Variants in PCDHA2 observed in about 807,000 individuals in gnomAD.
PCDHA2 encodes protocadherin alpha-2.
A neutral mutation model predicts 66.0 loss-of-function variants in PCDHA2; 58 were observed. The observed-to-expected ratio is 0.88, with a 90% CI of 0.71 to 1.09. PCDHA2 has a LOEUF of 1.09. Ranked by LOEUF, PCDHA2 falls within the 50% of genes least tolerant of loss-of-function variation. The pLI is 0.00. For missense variants in PCDHA2, 1,267 were observed against 1,242.3 expected (o/e 1.02, Z -0.30); for synonymous variants, 634 against 554.0 (o/e 1.14, Z -2.03).
intron 1 of PCDHA2, chr5:140,850,690 G>C (rs2150494322): frequency 3.8e-6 from 6 of 1,598,286 alleles, no homozygotes; most frequent in Admixed American, 1.7e-5. Flanking sequence ...GAGGGCGAGT[G>C]CGCGCCTGGC....
intron 1 of PCDHA2, chr5:140,857,079 A>C: frequency 6.3e-7 from 1 of 1,597,252 alleles, no homozygotes; most frequent in African/African-American, 1.3e-5. Flanking sequence ...GATGAAAATG[A>C]TAATTCACCT....
chr5:140,895,021 G>T (rs956122734), intron 1 of PCDHA2, among the ~76,000 whole-genome samples: 3 of 151,838 alleles, frequency 2.0e-5, no homozygotes, highest in Non-Finnish European at 4.4e-5. Context: ...TTTTTCCTTT[G>T]TTTAATTGTC....
intron 1 of PCDHA2, among the ~76,000 whole-genome samples, chr5:140,844,747 T>A (rs1779528592): frequency 6.7e-6 from 1 of 149,678 alleles, no homozygotes; most frequent in South Asian, 2.1e-4. Context: ...TATTATGGGA[T>A]AAATCTTTGA....
Position 140,842,578 on chromosome 5 carries a change from G to C in PCDHA2, c.2388+45226G>C, listed in dbSNP as rs2150339831. On this transcript the variant is annotated intron_variant, in intron 1 of 3. Transcript: ENST00000526136. ...GCGCCCTGGACCGCGAGAGAGTGTC[G>C]GCCTATGAGTTGGTGGTAACCGCGC... 18 of 1,515,278 alleles carry C rather than the reference G, an allele frequency of 1.2e-5. 1 individual carries two copies. The highest frequency in any genetic ancestry group is 1.5e-5 in the Non-Finnish European group (17 of 1,114,964). 93.9% of individuals were successfully genotyped at this position (1,515,278 alleles called of 1,614,324 possible). A position where few individuals can be genotyped will look rare whatever the true frequency, so the allele number is the denominator to read the frequency against.
At chr5:140,830,225 G>A in intron 1 of PCDHA2, 7 of 1,613,898 alleles carry the variant, frequency 4.3e-6, no homozygotes, top group Non-Finnish European at 5.1e-6. Context: ...CAGCCTGCTG[G>A]TCCTCACGCT....
intron 3 of PCDHA2, among the ~76,000 whole-genome samples, chr5:140,998,895 A>G (rs545479952): frequency 1.3e-4 from 20 of 152,354 alleles, no homozygotes; most frequent in Non-Finnish European, 1.8e-4. Flanking sequence ...ATAAATAACA[A>G]TGCCTCCGGG....
intron 3 of PCDHA2, among the ~76,000 whole-genome samples, chr5:141,005,561 G>T (rs1554260149): frequency 6.6e-6 from 1 of 151,354 alleles, no homozygotes. Flanking sequence ...AATTAGCCGG[G>T]CATGGTGGCG....
chr5:141,009,852 A>G lies in PCDHA2; in HGVS notation c.2762A>G (p.Lys921Arg), dbSNP rs1554262492. The G allele has an allele frequency of 6.2e-7, 1 of 1,614,074 alleles. No homozygotes were observed. Among genetic ancestry groups the G allele is most frequent in the East Asian group, 2.2e-5 (1 of 44,874 alleles). ...FITFGKKEET[K>R]KKKKKKKGNK... ...ACCTTCGGCAAAAAGGAGGAGACCA[A>G]GAAAAAGAAGAAAAAGAAGAAGGGT... Residue 921 changes from lysine (K) to arginine (R), a missense_variant, in exon 4 of 4, where the codon AAG becomes AGG. Physicochemically the swap from Lys to Arg is conservative, Grantham distance 26. Coordinates refer to ENST00000526136, the MANE Select transcript of PCDHA2 (RefSeq NM_018905.3).
rs559205841 is a variant in PCDHA2 at position 140,922,691 on chromosome 5, C to G, written c.2389-56258C>G. On this transcript the variant is annotated intron_variant, in intron 1 of 3. Coordinates refer to ENST00000526136, the MANE Select transcript of PCDHA2 (RefSeq NM_018905.3). ...GCAGTAAAAAAGTGAACAGGCTCTGCTTCCATACAGTCAAGAACAAAAAGA... is the reference window on the plus strand; with the variant it reads ...GCAGTAAAAAAGTGAACAGGCTCTGGTTCCATACAGTCAAGAACAAAAAGA... 2.0e-4 allele frequency among the ~76,000 whole-genome samples: 30 copies of G among 152,262 alleles called. No individual in the cohort carries two copies. In the South Asian group the frequency reaches 6.0e-3, roughly 31 times the overall value.
At position 140,796,093 on chromosome 5, in the gene PCDHA2, C is replaced by T. The variant is rs781879420; in HGVS notation, c.1129C>T (p.Arg377Cys). 3.1e-6 allele frequency: 5 copies of T among 1,614,086 alleles called. No individual in the cohort carries two copies. The Admixed American group carries it at 5.0e-5, about 16-fold the overall frequency. The change falls in exon 1 of 4, where the codon CGC (arginine) becomes TGC (cysteine). Residue 377 changes from arginine (R) to cysteine (C), a missense_variant. Coordinates refer to ENST00000526136, the MANE Select transcript of PCDHA2 (RefSeq NM_018905.3). ...TVIALITVSD[R>C]DSGTNGHVTC... ...CATTGCTCTCATCACGGTGTCGGAT[C>T]GCGACTCTGGTACGAATGGACATGT...
chr5:140,821,618 T>C, intron 1 of PCDHA2: 1 of 858,038 alleles, frequency 1.2e-6, no homozygotes, highest in Non-Finnish European at 1.7e-6. Context: ...TGAGTAGATT[T>C]TCCTTAGACA....
At chr5:140,958,503 C>T (rs1426161443) in intron 1 of PCDHA2, among the ~76,000 whole-genome samples, 1 of 152,118 alleles carries the variant, frequency 6.6e-6, no homozygotes, top group Non-Finnish European at 1.5e-5. Context: ...TCCTAGGAGG[C>T]ATGGCTGTCC....
chr5:140,841,838 A>G (rs1453803660), intron 1 of PCDHA2: 11 of 1,613,802 alleles, frequency 6.8e-6, no homozygotes, highest in Admixed American at 6.7e-5. Context: ...CTACAGGCTT[A>G]GCTCTCATGA....
chr5:140,991,924 A>T (rs1028386420), intron 3 of PCDHA2, among the ~76,000 whole-genome samples: 1 of 152,140 alleles, frequency 6.6e-6, no homozygotes, highest in Non-Finnish European at 1.5e-5. Context: ...GTAACATAAC[A>T]TATTCACAAG....
At chr5:140,951,311 T>G (rs1240303466) in intron 1 of PCDHA2, among the ~76,000 whole-genome samples, 4 of 152,224 alleles carry the variant, frequency 2.6e-5, no homozygotes, top group African/African-American at 9.6e-5. Context: ...ATTAATGTGT[T>G]ATTCTTGAGA....
intron 1 of PCDHA2, chr5:140,801,871 C>G: frequency 1.2e-6 from 2 of 1,614,084 alleles, no homozygotes; most frequent in Non-Finnish European, 1.7e-6. Flanking sequence ...CTCACTGGCA[C>G]GACTCAACTA....
At chr5:140,803,987 A>C in intron 1 of PCDHA2, 1 of 282,340 alleles carries the variant, frequency 3.5e-6, no homozygotes, top group Non-Finnish European at 6.6e-6. Context: ...ACTTCCTACT[A>C]CCTGTTAGTA....
At chr5:140,829,999 C>G in intron 1 of PCDHA2, 1 of 1,613,998 alleles carries the variant, frequency 6.2e-7, no homozygotes, top group Non-Finnish European at 8.5e-7. Context: ...CCACTCGTGT[C>G]CTGGACGAAG....
intron 1 of PCDHA2, among the ~76,000 whole-genome samples, chr5:140,920,717 G>A (rs1042476401): frequency 1.3e-5 from 2 of 152,044 alleles, no homozygotes; most frequent in African/African-American, 2.4e-5. Flanking sequence ...GGTGGTGTGC[G>A]CCTGCAGTCC....
Sources: allele counts gnomAD v4.1 joint callset (sites outside exome capture counted in the v4.1 genomes callset), GRCh38; gene constraint gnomAD v4.1.1; transcripts MANE v1.5; gene names NCBI Gene and HGNC (gene_info 2026-07-23, HGNC 2026-07-21).